MYO3B: variants seen among roughly 807,000 people sequenced by gnomAD.
The protein encoded by MYO3B is myosin IIIB, also known as myosin-IIIb.
MYO3B carries 156 observed loss-of-function variants against 174.6 expected under a neutral mutation model. The ratio of observed to expected loss-of-function variants is 0.89; its 90% CI spans 0.78 to 1.02. MYO3B has a LOEUF of 1.02. MYO3B is among the 50% of genes least tolerant of loss of function. MYO3B has a pLI of 0.00. For missense variants in MYO3B, 1,632 were observed against 1,639.4 expected (o/e 1.00, Z 0.08); for synonymous variants, 563 against 569.1 (o/e 0.99, Z 0.15).
chr2:170,253,410 G>C (rs1183824322), intron 7 of MYO3B, among the ~76,000 whole-genome samples: 1 of 152,192 alleles, frequency 6.6e-6, no homozygotes, highest in Admixed American at 6.5e-5. Context: ...AACTTGGTGG[G>C]AGTATGCAGC....
intron 32 of MYO3B, among the ~76,000 whole-genome samples, chr2:170,594,037 A>G (rs183422599): frequency 7.9e-5 from 12 of 152,230 alleles, no homozygotes; most frequent in African/African-American, 2.9e-4. Flanking sequence ...ATACCCTAAC[A>G]TACACACTGT....
intron 7 of MYO3B, among the ~76,000 whole-genome samples, chr2:170,259,961 GAA>G (rs370610648): frequency 7.2e-6 from 1 of 138,976 alleles, no homozygotes; most frequent in African/African-American, 2.6e-5. Context: ...CAACAAACAT[GAA>G]AAAAAAAAAG....
chr2:170,570,314 T>C (rs1692354637), intron 32 of MYO3B, among the ~76,000 whole-genome samples: 2 of 152,230 alleles, frequency 1.3e-5, no homozygotes, highest in South Asian at 2.1e-4. Context: ...AGTTTGAAGA[T>C]TGGAGTTGAG....
intron 7 of MYO3B, among the ~76,000 whole-genome samples, chr2:170,322,138 G>A (rs907379957): frequency 6.8e-6 from 1 of 147,096 alleles, no homozygotes; most frequent in Non-Finnish European, 1.5e-5. Flanking sequence ...AAAAAGAGTA[G>A]CAGCACTATA....
chr2:170,242,875 C>T (rs2093149831), intron 7 of MYO3B, among the ~76,000 whole-genome samples: 1 of 152,146 alleles, frequency 6.6e-6, no homozygotes, highest in South Asian at 2.1e-4. Flanking sequence ...AGAGTTGAGG[C>T]ACCCTGGTTT....
chr2:170,400,597 G>C (rs1204606059), intron 17 of MYO3B, among the ~76,000 whole-genome samples: 3 of 150,846 alleles, frequency 2.0e-5, no homozygotes, highest in Non-Finnish European at 4.4e-5. Flanking sequence ...TAGAGACGGG[G>C]TTTCACCATC....
chr2:170,584,347 C>T (rs1693361629), intron 32 of MYO3B, among the ~76,000 whole-genome samples: 1 of 152,012 alleles, frequency 6.6e-6, no homozygotes, highest in Non-Finnish European at 1.5e-5. Context: ...GGTCTGTACA[C>T]CCATCACCAT....
At chr2:170,585,210 A>G (rs187617010) in intron 32 of MYO3B, among the ~76,000 whole-genome samples, 5 of 152,232 alleles carry the variant, frequency 3.3e-5, no homozygotes, top group East Asian at 1.9e-4. Context: ...AAGCTGATAA[A>G]TAAGTCTTAC....
chr2:170,416,818 G>GTTTTTTTTTTT (rs552594236), intron 22 of MYO3B, among the ~76,000 whole-genome samples: 1 of 116,118 alleles, frequency 8.6e-6, no homozygotes, highest in Non-Finnish European at 1.8e-5. Flanking sequence ...TTTTTCTGTT[G>GTTTTTTTTTTT]TTTTTTTTTT....
chr2:170,358,608 TATA>T (rs918547787), intron 8 of MYO3B, among the ~76,000 whole-genome samples: 1 of 152,222 alleles, frequency 6.6e-6, no homozygotes, highest in African/African-American at 2.4e-5. Flanking sequence ...TTAAACCTAT[TATA>T]AGAATTATTA....
At chr2:170,331,747 T>C (rs1483432650) in intron 7 of MYO3B, among the ~76,000 whole-genome samples, 1 of 152,230 alleles carries the variant, frequency 6.6e-6, no homozygotes, top group Non-Finnish European at 1.5e-5. Flanking sequence ...ATCTGTAGAA[T>C]TGAGGATCTC....
At position 170,443,949 on chromosome 2, in the gene MYO3B, T is replaced by C. The variant is rs765191081; in HGVS notation, c.2651-18T>C. 4 of 1,601,008 alleles carry C rather than the reference T, an allele frequency of 2.5e-6. No individual in the cohort carries two copies. Among genetic ancestry groups the C allele is most frequent in the Non-Finnish European group, 3.4e-6 (4 of 1,169,938 alleles). On this transcript the variant is annotated intron_variant, in intron 22 of 34. Coordinates refer to ENST00000408978, the MANE Select transcript of MYO3B (RefSeq NM_138995.5). ...TAACTTTTCCTTTAATTTATGTTCTTTGTGGTCTCTTTCTCAGGTAATTTG... is the reference window on the plus strand; with the variant it reads ...TAACTTTTCCTTTAATTTATGTTCTCTGTGGTCTCTTTCTCAGGTAATTTG...
At chr2:170,211,446 C>A (rs6433178) in intron 3 of MYO3B, among the ~76,000 whole-genome samples, 82,699 of 152,048 alleles carry the variant, frequency 0.54, 22,538 homozygotes, top group Admixed American at 0.62. Flanking sequence ...ACTTTACTAA[C>A]GTTAACCTCG....
intron 32 of MYO3B, among the ~76,000 whole-genome samples, chr2:170,624,702 T>G (rs1178008820): frequency 2.0e-5 from 3 of 152,176 alleles, no homozygotes; most frequent in African/African-American, 7.2e-5. Flanking sequence ...GGCTGTGGGT[T>G]TGTCATAAAT....
intron 32 of MYO3B, among the ~76,000 whole-genome samples, chr2:170,566,421 A>G (rs1474102845): frequency 6.6e-5 from 10 of 152,194 alleles, no homozygotes; most frequent in Non-Finnish European, 1.3e-4. Flanking sequence ...TGAACCATGT[A>G]GGCAATAATG....
intron 25 of MYO3B, among the ~76,000 whole-genome samples, chr2:170,474,731 G>T (rs1028180018): frequency 5.3e-5 from 5 of 93,778 alleles, no homozygotes; most frequent in African/African-American, 1.7e-4. Flanking sequence ...TGACAAGAGT[G>T]AAACTCCGTC....
chr2:170,501,950 T>C, intron 28 of MYO3B, 85 bp downstream of exon 28: 3 of 960,478 alleles, frequency 3.1e-6, no homozygotes, highest in Non-Finnish European at 4.9e-6. Context: ...GAAAGGTTAA[T>C]AATTCAGGAG....
chr2:170,487,708 G>A (rs765211286), intron 25 of MYO3B, among the ~76,000 whole-genome samples: 3 of 152,198 alleles, frequency 2.0e-5, no homozygotes, highest in Non-Finnish European at 4.4e-5. Flanking sequence ...ATGCCTTTGA[G>A]TGCAAAACTC....
At chr2:170,477,904 A>G (rs912629697) in intron 25 of MYO3B, among the ~76,000 whole-genome samples, 3 of 152,098 alleles carry the variant, frequency 2.0e-5, no homozygotes, top group Non-Finnish European at 2.9e-5. Context: ...CAGCGATGTC[A>G]TCAGAGACCT....
Sources: allele counts gnomAD v4.1 joint callset (sites outside exome capture counted in the v4.1 genomes callset), GRCh38; gene constraint gnomAD v4.1.1; transcripts MANE v1.5; gene names NCBI Gene and HGNC (gene_info 2026-07-23, HGNC 2026-07-21).